SVIL: variants seen among roughly 807,000 people sequenced by gnomAD.
The protein encoded by SVIL is supervillin.
SVIL carries 101 observed loss-of-function variants against 240.4 expected under a neutral mutation model. The observed-to-expected ratio is 0.42, with a 90% CI of 0.36 to 0.50. SVIL has a LOEUF of 0.50. Among genes scored for constraint, SVIL ranks in the 20% least tolerant of loss-of-function variants. SVIL has a pLI of 0.01. For missense variants in SVIL, 2,512 were observed against 2,818.7 expected (o/e 0.89, Z 2.46); for synonymous variants, 999 against 1,100.0 (o/e 0.91, Z 1.82).
intron 6 of SVIL, among the ~76,000 whole-genome samples, chr10:29,538,609 G>T (rs949164458): frequency 3.3e-5 from 5 of 152,206 alleles, no homozygotes; most frequent in Non-Finnish European, 7.4e-5. Context: ...CTCCCAGATC[G>T]CCACCAGCCA....
At chr10:29,600,890 T>C (rs1956786975) in intron 1 of SVIL, among the ~76,000 whole-genome samples, 1 of 152,152 alleles carries the variant, frequency 6.6e-6, no homozygotes, top group Non-Finnish European at 1.5e-5. Flanking sequence ...TCAATACATA[T>C]GATTATGAAG....
chr10:29,680,515 G>A (rs775572274), intron 2 of SVIL, among the ~76,000 whole-genome samples: 3 of 152,236 alleles, frequency 2.0e-5, no homozygotes, highest in Non-Finnish European at 2.9e-5. Flanking sequence ...AATGGGCCCC[G>A]ATGCGTGCTG....
chr10:29,470,493 G>A lies in SVIL; in HGVS notation c.5636-10C>T. ...TACAGCCGCCACTCACCTGCAGGGG[G>A]CACCGGCGGCGCGGAGGAGTTAGCA... On this transcript the variant is annotated splice_polypyrimidine_tract_variant and intron_variant, in intron 31 of 37. Transcript: ENST00000355867. 1 of 1,613,878 alleles carries A rather than the reference G, an allele frequency of 6.2e-7. No homozygotes were observed. Among genetic ancestry groups the A allele is most frequent in the Non-Finnish European group, 8.5e-7 (1 of 1,180,006 alleles).
intron 3 of SVIL, chr10:29,643,980 C>G (rs752352060): frequency 1.5e-5 from 8 of 518,462 alleles, no homozygotes; most frequent in East Asian, 1.1e-4. Context: ...ACGGCTGGAG[C>G]AACATCGCGT....
intron 1 of SVIL, among the ~76,000 whole-genome samples, chr10:29,713,262 C>CTGTGTATGTG (rs1554769339): frequency 2.7e-5 from 4 of 148,468 alleles, no homozygotes; most frequent in African/African-American, 7.4e-5. Flanking sequence ...GTACATGCCT[C>CTGTGTATGTG]TGTGTGTGTG....
In SVIL at chr10:29,514,216, A is replaced by C. The variant is rs568425850; in HGVS notation, c.3390-1355T>G. ...ATAAATATTTTTATCCATAAATATTAAATCCATAAATATTTTTTATTGTTA... is the reference window on the plus strand; with the variant it reads ...ATAAATATTTTTATCCATAAATATTCAATCCATAAATATTTTTTATTGTTA... On this transcript the variant is annotated intron_variant, in intron 16 of 37. Transcript: ENST00000355867. Among the ~76,000 whole-genome samples the C allele has an allele frequency of 2.8e-4, 42 of 152,280 alleles. No individual in the cohort carries two copies. The South Asian group carries it at 8.7e-3, about 32-fold the overall frequency.
chr10:29,590,529 A>T (rs996389980), intron 1 of SVIL, among the ~76,000 whole-genome samples: 2 of 152,222 alleles, frequency 1.3e-5, no homozygotes, highest in African/African-American at 4.8e-5. Context: ...TCACTTTAAC[A>T]TGTACTTTAC....
At chr10:29,651,991 G>A (rs111913335) in intron 3 of SVIL, among the ~76,000 whole-genome samples, 1,890 of 150,812 alleles carry the variant, frequency 0.013, 45 homozygotes, top group African/African-American at 0.043. Context: ...ACAGTTAACC[G>A]TCCAATATAT....
Position 29,487,140 on chromosome 10 carries a change from A to G in SVIL, c.4485+23T>C, listed in dbSNP as rs200293807. The G allele has an allele frequency of 4.6e-5, 74 of 1,612,662 alleles. No homozygotes were observed. In the African/African-American group the frequency reaches 4.8e-4, roughly 10 times the overall value. Reference sequence around the variant, plus strand: ...GCGTAAAGGAGATGTTAGCTAAAGCATTTTTATTTTTCAGGTACCAACCTT... The same window carrying G: ...GCGTAAAGGAGATGTTAGCTAAAGCGTTTTTATTTTTCAGGTACCAACCTT... On this transcript the variant is annotated intron_variant, in intron 24 of 37. Transcript: ENST00000355867.
At chr10:29,627,293 T>C (rs2132938042) in intron 1 of SVIL, among the ~76,000 whole-genome samples, 1 of 152,260 alleles carries the variant, frequency 6.6e-6, no homozygotes, top group African/African-American at 2.4e-5. Context: ...CTCTGAAACC[T>C]TTGGATTACA....
Position 29,622,249 on chromosome 10 carries a change from CAA to C in SVIL, c.-201+12169_-201+12170del, listed in dbSNP as rs71020801. Among the ~76,000 whole-genome samples, 300 of 51,588 alleles carry C rather than the reference CAA, an allele frequency of 5.8e-3. 2 individuals are homozygous for C. The highest frequency in any genetic ancestry group is 0.029 in the African/African-American group (288 of 10,094). 33.8% of individuals were successfully genotyped at this position (51,588 alleles called of 152,430 possible). ...TGGGCGACAGAGTGAGACTCCGTCT[CAA>C]AAAAAAAAAAAAAAAAAAAAAAAAG... is the stretch of plus-strand genomic sequence containing the variant. On this transcript the variant is annotated intron_variant, in intron 1 of 37. Coordinates refer to ENST00000355867, the MANE Select transcript of SVIL (RefSeq NM_021738.3).
intron 20 of SVIL, 74 bp downstream of exon 20, chr10:29,494,840 G>T: frequency 2.8e-6 from 4 of 1,454,024 alleles, no homozygotes; most frequent in Admixed American, 3.8e-5. Context: ...CTTTTTTTTG[G>T]CTGAGGAAGA....
At chr10:29,629,928 C>A (rs1437545462) in intron 1 of SVIL, among the ~76,000 whole-genome samples, 1 of 148,862 alleles carries the variant, frequency 6.7e-6, no homozygotes, top group Non-Finnish European at 1.5e-5. Flanking sequence ...TGCAGTGAAC[C>A]ATGGTCATGC....
chr10:29,486,043 CAA>C, intron 26 of SVIL, 40 bp downstream of exon 26: 1 of 1,613,242 alleles, frequency 6.2e-7, no homozygotes, highest in East Asian at 2.2e-5. Flanking sequence ...TGAGTGCTTT[CAA>C]TGTGGTTTCT....
intron 1 of SVIL, among the ~76,000 whole-genome samples, chr10:29,712,801 T>C (rs79519778): frequency 0.049 from 7,508 of 152,272 alleles, 258 homozygotes; most frequent in South Asian, 0.16. Context: ...TTAGTGGTAC[T>C]AGTCCCCTCA....
rs761191906 is a variant in SVIL, at chr10:29,467,799, C to T, written c.5920G>A (p.Gly1974Arg). 31 of 1,614,072 alleles carry T rather than the reference C, an allele frequency of 1.9e-5. No individual in the cohort carries two copies. Among genetic ancestry groups the T allele is most frequent in the African/African-American group, 6.7e-5 (5 of 74,934 alleles). The change falls in exon 33 of 38, where the codon GGA becomes AGA. Residue 1974 changes from glycine (G) to arginine (R), a missense_variant. Around this residue, in one of 3 missense-constraint regions of SVIL, gnomAD observed 797 missense variants for 925.3 expected, o/e 0.86. Transcript: ENST00000355867. ...HECDEGSEPL[G>R]FWDALGRRDR... ...CTCCTTCCTAAGGCATCCCAGAATC[C>T]GAGTGGCTCGGAGCCTTCATCACAC...
chr10:29,494,264 T>C (rs1309526408), intron 20 of SVIL, among the ~76,000 whole-genome samples: 6 of 152,372 alleles, frequency 3.9e-5, no homozygotes, highest in African/African-American at 1.2e-4. Context: ...GCTCCATGTG[T>C]GTAATAAATG....
At position 29,467,878 on chromosome 10, in the gene SVIL, G is replaced by A. The variant is rs569200516; in HGVS notation, c.5844-3C>T. 1 of 1,614,088 alleles carries A rather than the reference G, an allele frequency of 6.2e-7. No individual in the cohort carries two copies. The highest frequency in any genetic ancestry group is 1.1e-5 in the South Asian group (1 of 91,052). Reference sequence around the variant, plus strand: ...GCAGTCCTGCTTCCAGGGGACATCTGCAAGGGAGAAACTCCAAGAGTTCTT... The same window carrying A: ...GCAGTCCTGCTTCCAGGGGACATCTACAAGGGAGAAACTCCAAGAGTTCTT... On this transcript the variant is annotated splice_polypyrimidine_tract_variant and splice_region_variant and intron_variant, in intron 32 of 37. Transcript: ENST00000355867.
rs117336907 is a variant in SVIL at position 29,566,215 on chromosome 10, T to G, written c.-142-2923A>C. ...GCATAATTTGGAACACATCATTCTT[T>G]AGTACCTTTGCTCACCTTGCATACA... On this transcript the variant is annotated intron_variant, in intron 2 of 37. Coordinates refer to ENST00000355867, the MANE Select transcript of SVIL (RefSeq NM_021738.3). Among the ~76,000 whole-genome samples the G allele has an allele frequency of 2.2e-3, 334 of 152,330 alleles. 5 individuals are homozygous for G. In the East Asian group the frequency reaches 0.045, roughly 20 times the overall value.
Sources: gnomAD v4.1 joint callset for allele counts (sites outside exome capture counted in the v4.1 genomes callset) on GRCh38, gnomAD v4.1.1 for gene constraint, gnomAD v4.1.1 regional missense constraint, MANE v1.5 for transcripts, NCBI Gene and HGNC (gene_info 2026-07-23, HGNC 2026-07-21) for gene names.